The following DAPK1 variants were observed in gnomAD, a reference collection of about 807,000 sequenced individuals.
The protein encoded by DAPK1 is death-associated protein kinase 1.
DAPK1 carries 56 observed loss-of-function variants against 144.9 expected under a neutral mutation model. That is an observed-to-expected ratio of 0.39 (90% CI 0.31 to 0.48). DAPK1 has a LOEUF of 0.48. Ranked by LOEUF, DAPK1 falls within the 20% of genes least tolerant of loss-of-function variation. DAPK1 has a pLI of 0.95. For missense variants in DAPK1, 1,454 were observed against 1,875.4 expected (o/e 0.78, Z 4.15); for synonymous variants, 690 against 749.0 (o/e 0.92, Z 1.29).
At chr9:87,639,934 A>T in intron 7 of DAPK1, 119 bp downstream of exon 7, 1 of 1,102,080 alleles carries the variant, frequency 9.1e-7, no homozygotes, top group South Asian at 1.5e-5. Flanking sequence ...ATGCAAACAT[A>T]TTCATTTTAC....
intron 19 of DAPK1, among the ~76,000 whole-genome samples, chr9:87,675,692 CT>C (rs1824342579): frequency 6.6e-6 from 1 of 151,998 alleles, no homozygotes; most frequent in South Asian, 2.1e-4. Flanking sequence ...AGGAGGTGAT[CT>C]TGGCAGCCAG....
intron 19 of DAPK1, among the ~76,000 whole-genome samples, chr9:87,671,753 A>G (rs747768093): frequency 5.3e-5 from 8 of 152,136 alleles, no homozygotes; most frequent in Admixed American, 2.0e-4. Context: ...GCTTTTAGTG[A>G]TCTTCCTACT....
intron 2 of DAPK1, among the ~76,000 whole-genome samples, chr9:87,508,944 A>G (rs760227747): frequency 6.6e-6 from 1 of 152,226 alleles, no homozygotes; most frequent in Non-Finnish European, 1.5e-5. Flanking sequence ...GTGTTGATTC[A>G]GTTCCGATAT....
intron 2 of DAPK1, among the ~76,000 whole-genome samples, chr9:87,604,620 A>T (rs1055922401): frequency 6.6e-6 from 1 of 152,092 alleles, no homozygotes; most frequent in Non-Finnish European, 1.5e-5. Flanking sequence ...GCAGGAAAAG[A>T]GTTTGCTGGA....
At chr9:87,505,978 C>T (rs1478407227) in intron 2 of DAPK1, among the ~76,000 whole-genome samples, 2 of 152,180 alleles carry the variant, frequency 1.3e-5, no homozygotes, top group South Asian at 2.1e-4. Flanking sequence ...GTCAGCCTCT[C>T]GCTGTGCCTG....
chr9:87,550,959 G>A lies in DAPK1; in HGVS notation c.62+51820G>A, dbSNP rs141237648. 2.9e-3 allele frequency among the ~76,000 whole-genome samples: 443 copies of A among 152,292 alleles called. 4 individuals are homozygous for A. The highest frequency in any genetic ancestry group is 0.01 in the African/African-American group (432 of 41,552). The stretch of plus-strand genomic sequence containing the variant: ...GATACATACCCTGACCCCGGGGAGG[G>A]GGCTAACCTGGGGACACATGTGGAA... On this transcript the variant is annotated intron_variant, in intron 2 of 25. Coordinates refer to ENST00000408954, the MANE Select transcript of DAPK1 (RefSeq NM_004938.4).
chr9:87,572,802 T>G (rs1051153778), intron 2 of DAPK1, among the ~76,000 whole-genome samples: 4 of 152,178 alleles, frequency 2.6e-5, no homozygotes, highest in Admixed American at 2.6e-4. Flanking sequence ...TCTCAGGTAT[T>G]TCTTTCTTGC....
intron 2 of DAPK1, among the ~76,000 whole-genome samples, chr9:87,590,381 A>AAAAAGAAAAG (rs527821719): frequency 6.7e-6 from 1 of 149,686 alleles, no homozygotes; most frequent in Admixed American, 6.7e-5. Context: ...AAAAAAAAAA[A>AAAAAGAAAAG]AAAAGAAAAG....
chr9:87,508,374 G>A (rs1824692854), intron 2 of DAPK1, among the ~76,000 whole-genome samples: 1 of 146,286 alleles, frequency 6.8e-6, no homozygotes. Context: ...ACGGAGTCTT[G>A]CTTTGTCGCC....
chr9:87,697,259 G>A, intron 22 of DAPK1, 55 bp downstream of exon 22: 4 of 812,422 alleles, frequency 4.9e-6, no homozygotes, highest in East Asian at 2.6e-5. Flanking sequence ...GCCAGGAATC[G>A]CCTCCTCCTT....
At chr9:87,531,365 T>C (rs1825692922) in intron 2 of DAPK1, among the ~76,000 whole-genome samples, 1 of 152,216 alleles carries the variant, frequency 6.6e-6, no homozygotes, top group Non-Finnish European at 1.5e-5. Flanking sequence ...GATTTTTCCC[T>C]TGGGGCTTTC....
chr9:87,569,456 G>A (rs551599350), intron 2 of DAPK1, among the ~76,000 whole-genome samples: 16 of 152,280 alleles, frequency 1.1e-4, no homozygotes, highest in East Asian at 5.8e-4. Context: ...ATAGAAATAC[G>A]CAGATAGGTT....
intron 3 of DAPK1, among the ~76,000 whole-genome samples, chr9:87,625,880 G>A (rs1054667399): frequency 6.6e-6 from 1 of 152,198 alleles, no homozygotes; most frequent in Non-Finnish European, 1.5e-5. Context: ...AAAACATTTA[G>A]AATATGTGAG....
chr9:87,544,683 T>C (rs1016839489), intron 2 of DAPK1, among the ~76,000 whole-genome samples: 6 of 152,204 alleles, frequency 3.9e-5, no homozygotes, highest in African/African-American at 1.4e-4. Context: ...CAGTCCTTTT[T>C]CTCGGGCTCT....
At chr9:87,504,885 A>G (rs190690700) in intron 2 of DAPK1, among the ~76,000 whole-genome samples, 1 of 151,942 alleles carries the variant, frequency 6.6e-6, no homozygotes, top group African/African-American at 2.4e-5. Flanking sequence ...TAATAACCAG[A>G]AAAAAAAGTC....
intron 2 of DAPK1, among the ~76,000 whole-genome samples, chr9:87,502,370 A>G (rs1824435975): frequency 6.6e-6 from 1 of 152,152 alleles, no homozygotes; most frequent in Non-Finnish European, 1.5e-5. Context: ...AGGAGGCGGA[A>G]CAAAGAACTG....
chr9:87,564,738 A>G (rs1055872717), intron 2 of DAPK1, among the ~76,000 whole-genome samples: 4 of 152,216 alleles, frequency 2.6e-5, no homozygotes, highest in African/African-American at 9.7e-5. Flanking sequence ...CAATAACTGC[A>G]TTAATTCATT....
chr9:87,518,301 T>G (rs10868612), intron 2 of DAPK1, among the ~76,000 whole-genome samples: 83,363 of 139,444 alleles, frequency 0.6, 24,773 homozygotes, highest in South Asian at 0.82. Flanking sequence ...TTTTTTTTTG[T>G]ATTTTTAGTA....
rs71507734 is a variant in DAPK1 at position 87,662,560 on chromosome 9, GTTTTT to G, written c.1923+4454_1923+4458del. Among the ~76,000 whole-genome samples the G allele has an allele frequency of 2.8e-3, 91 of 32,136 alleles. 1 individual carries two copies. The highest frequency in any genetic ancestry group is 0.01 in the African/African-American group (67 of 6,550). The allele number at this position is 32,136 out of a possible 152,430, so 21.1% of individuals were successfully genotyped here. A position where few individuals can be genotyped will look rare whatever the true frequency, so the allele number is the denominator to read the frequency against. ...ACCTCCTTGGTTAAATATATTCCTA[GTTTTT>G]TTTTTTTTTTTTTTTTTTTTGGTAG... is the stretch of plus-strand genomic sequence containing the variant. On this transcript the variant is annotated intron_variant, in intron 18 of 25. Coordinates refer to ENST00000408954, the MANE Select transcript of DAPK1 (RefSeq NM_004938.4).
Sources: allele counts gnomAD v4.1 joint callset (sites outside exome capture counted in the v4.1 genomes callset), GRCh38; gene constraint gnomAD v4.1.1; transcripts MANE v1.5; gene names NCBI Gene and HGNC (gene_info 2026-07-23, HGNC 2026-07-21).